The following KCNAB2 variants were observed in gnomAD, a reference collection of about 807,000 sequenced individuals.
KCNAB2 encodes the protein voltage-gated potassium channel subunit beta-2.
Under a neutral mutation model 63.6 loss-of-function variants are expected in KCNAB2, and 29 were observed. That is an observed-to-expected ratio of 0.46 (90% CI 0.34 to 0.62). The LOEUF (loss-of-function observed/expected upper bound fraction) is 0.62, where lower values mean the gene tolerates loss of function less well. Among genes scored for constraint, KCNAB2 ranks in the 20% least tolerant of loss-of-function variants. The pLI, the probability that KCNAB2 is intolerant of heterozygous loss-of-function variation, is 0.01. For synonymous variants in KCNAB2, 222 were observed against 224.2 expected (o/e 0.99, Z 0.09); for missense variants, 359 against 563.9 (o/e 0.64, Z 3.68).
rs114558478 is a variant in KCNAB2 at position 6,058,918 on chromosome 1, G to A, written c.218+7164G>A. Among the ~76,000 whole-genome samples, 1,081 of 152,224 alleles carry A rather than the reference G, an allele frequency of 7.1e-3. 12 individuals carry two copies. Among genetic ancestry groups the A allele is most frequent in the African/African-American group, 0.025 (1,022 of 41,546 alleles). ...GGCTGGGAGGGCTTCTGCTGGCAGCGGGCACCACATTGGAGCCTCGGTGGT... is the reference window on the plus strand; with the variant it reads ...GGCTGGGAGGGCTTCTGCTGGCAGCAGGCACCACATTGGAGCCTCGGTGGT... On this transcript the variant is annotated intron_variant, in intron 2 of 15. Transcript: ENST00000378083.
At chr1:6,088,889 T>C (rs1260576292) in intron 7 of KCNAB2, 119 bp from the exon 8 acceptor site, 4 of 834,320 alleles carry the variant, frequency 4.8e-6, no homozygotes, top group Non-Finnish European at 7.4e-6. Context: ...GGAATCCGAC[T>C]CCACACGGCA....
chr1:6,051,374 C>A (rs1412055289), intron 1 of KCNAB2, 137 bp from the exon 2 acceptor site: 2 of 1,069,316 alleles, frequency 1.9e-6, no homozygotes, highest in Non-Finnish European at 2.6e-6. Flanking sequence ...CCGGGTCCCA[C>A]TCCTAGACAC....
Position 6,087,384 on chromosome 1 carries a change from T to G in KCNAB2, c.426-83T>G. 1.4e-6 allele frequency: 2 copies of G among 1,452,878 alleles called. No homozygotes were observed. Among genetic ancestry groups the G allele is most frequent in the Non-Finnish European group, 1.9e-6 (2 of 1,033,624 alleles). The allele number at this position is 1,452,878 out of a possible 1,614,324, so 90.0% of individuals were successfully genotyped here. The stretch of plus-strand genomic sequence containing the variant: ...TGGGAGGGCTTTCAGGACCTCTGTG[T>G]GAGAGATGAGGACGTCGGGGATGAA... On this transcript the variant is annotated intron_variant, in intron 6 of 15. Transcript: ENST00000378083. The surrounding 1 kb of genome is among the most constrained non-coding windows in gnomAD (Gnocchi z 6.4).
chr1:6,077,649 C>T lies in KCNAB2; in HGVS notation c.300+3879C>T, dbSNP rs79551090. Among the ~76,000 whole-genome samples, 231 of 152,324 alleles carry T rather than the reference C, an allele frequency of 1.5e-3. 1 individual carries two copies. Among genetic ancestry groups the T allele is most frequent in the African/African-American group, 4.7e-3 (194 of 41,572 alleles). On this transcript the variant is annotated intron_variant, in intron 4 of 15. Coordinates refer to ENST00000378083, the MANE Select transcript of KCNAB2 (RefSeq NM_001199862.2). Reference sequence around the variant, plus strand: ...AGGTGTGTTCAGGGCCACCGTGCTCCGGAGCGGAGAGCGCCGAGCCCTTTG... The same window carrying T: ...AGGTGTGTTCAGGGCCACCGTGCTCTGGAGCGGAGAGCGCCGAGCCCTTTG...
intron 8 of KCNAB2, among the ~76,000 whole-genome samples, chr1:6,089,604 C>T (rs1335004002): frequency 6.6e-6 from 1 of 152,236 alleles, no homozygotes; most frequent in Non-Finnish European, 1.5e-5. Flanking sequence ...CACTCCCATC[C>T]TCCCCACCCC....
intron 4 of KCNAB2, among the ~76,000 whole-genome samples, chr1:6,076,090 GAA>G (rs1223821549): frequency 6.6e-6 from 1 of 152,224 alleles, no homozygotes; most frequent in Non-Finnish European, 1.5e-5. Context: ...GCCCTTTACA[GAA>G]AAGACTTGAC....
At chr1:6,029,260 G>T (rs1299899066) in intron 1 of KCNAB2, among the ~76,000 whole-genome samples, 1 of 149,360 alleles carries the variant, frequency 6.7e-6, no homozygotes, top group Admixed American at 6.7e-5. Context: ...TCCAGCCCGG[G>T]CGACTGAAGA....
At chr1:6,029,261 C>T (rs1046863363) in intron 1 of KCNAB2, among the ~76,000 whole-genome samples, 3 of 140,614 alleles carry the variant, frequency 2.1e-5, no homozygotes, top group African/African-American at 5.4e-5. Flanking sequence ...CCAGCCCGGG[C>T]GACTGAAGAG....
At chr1:6,008,747 C>T (rs1009549616) in intron 1 of KCNAB2, among the ~76,000 whole-genome samples, 1 of 152,108 alleles carries the variant, frequency 6.6e-6, no homozygotes, top group East Asian at 1.9e-4. Flanking sequence ...GGGAGTGAGG[C>T]CCCCGAACCA....
intron 1 of KCNAB2, among the ~76,000 whole-genome samples, chr1:6,015,036 T>TTG (rs1553212836): frequency 4.3e-5 from 6 of 139,224 alleles, no homozygotes; most frequent in Admixed American, 7.2e-5. Context: ...TTTTTTTTTT[T>TTG]TTTTTTGTTT....
chr1:6,022,763 AT>A (rs1313857382), intron 1 of KCNAB2, among the ~76,000 whole-genome samples: 2 of 149,778 alleles, frequency 1.3e-5, no homozygotes. Context: ...TGACTGGCTT[AT>A]TTCACCTAGC....
At chr1:6,054,716 T>C (rs943028591) in intron 2 of KCNAB2, among the ~76,000 whole-genome samples, 1 of 152,188 alleles carries the variant, frequency 6.6e-6, no homozygotes, top group African/African-American at 2.4e-5. Flanking sequence ...GTAAATGAAG[T>C]AGTGGCCTGT....
upstream of KCNAB2, among the ~76,000 whole-genome samples, chr1:6,033,125 G>A (rs1570908014): frequency 6.6e-6 from 1 of 152,340 alleles, no homozygotes. Flanking sequence ...TGAGTGCTGA[G>A]GTATTGAGGG....
chr1:6,033,563 CAA>C (rs1394519169), upstream of KCNAB2, among the ~76,000 whole-genome samples: 2 of 152,056 alleles, frequency 1.3e-5, no homozygotes, highest in Non-Finnish European at 2.9e-5. Flanking sequence ...ACAAGTGAGA[CAA>C]GAGGTAAACA....
At position 6,074,903 on chromosome 1, in the gene KCNAB2, G is replaced by A. The variant is rs899602827; in HGVS notation, c.300+1133G>A. 6.0e-5 allele frequency among the ~76,000 whole-genome samples: 9 copies of A among 149,750 alleles called. No homozygotes were observed. The highest frequency in any genetic ancestry group is 2.0e-4 in the East Asian group (1 of 5,090). On this transcript the variant is annotated intron_variant, in intron 4 of 15. Coordinates refer to ENST00000378083, the MANE Select transcript of KCNAB2 (RefSeq NM_001199862.2). This position sits in a 1 kb window ranked among gnomAD's most constrained non-coding sequence, Gnocchi z 4.9. ...CAGAAGGGGGAGGTTGCAGTGAGCC[G>A]AGATCATATCACTGCACTCCAGCCT... is the stretch of plus-strand genomic sequence containing the variant.
intron 15 of KCNAB2, 137 bp downstream of exon 15, chr1:6,097,494 C>T: frequency 1.4e-6 from 2 of 1,463,834 alleles, no homozygotes; most frequent in South Asian, 2.4e-5. Context: ...CAGAGTTGTG[C>T]TCCTGGAGAG....
upstream of KCNAB2, among the ~76,000 whole-genome samples, chr1:6,032,466 A>G (rs2100399570): frequency 6.6e-6 from 1 of 152,134 alleles, no homozygotes; most frequent in East Asian, 1.9e-4. Context: ...AGTCCCAGCT[A>G]CTTGGGAGGC....
Position 6,028,362 on chromosome 1 carries a change from C to T in KCNAB2, c.-52-12155C>T, listed in dbSNP as rs543618881. Among the ~76,000 whole-genome samples the T allele has an allele frequency of 6.6e-6, 1 of 152,202 alleles. No individual in the cohort carries two copies. Among genetic ancestry groups the T allele is most frequent in the African/African-American group, 2.4e-5 (1 of 41,438 alleles). On this transcript the variant is annotated intron_variant, in intron 1 of 16. Coordinates refer to the KCNAB2 transcript ENST00000341524. The surrounding 1 kb of genome is among the most constrained non-coding windows in gnomAD (Gnocchi z 4.0). ...GGCTCTGGCACGCAGAACAAGCAGA[C>T]CATGGTTTTGTGTTATACAGTAGTC... is the stretch of plus-strand genomic sequence containing the variant.
At chr1:6,058,484 G>T (rs1238978993) in intron 2 of KCNAB2, among the ~76,000 whole-genome samples, 1 of 152,210 alleles carries the variant, frequency 6.6e-6, no homozygotes, top group Admixed American at 6.5e-5. Flanking sequence ...GGAGACCGGG[G>T]TCACTACAGC....
Sources: gnomAD v4.1 joint callset for allele counts (sites outside exome capture counted in the v4.1 genomes callset) on GRCh38, gnomAD v4.1.1 for gene constraint, Gnocchi (gnomAD v3.1) non-coding constraint, MANE v1.5 for transcripts, NCBI Gene and HGNC (gene_info 2026-07-23, HGNC 2026-07-21) for gene names.